SCN11A: variants seen among roughly 807,000 people sequenced by gnomAD.
SCN11A encodes sodium channel protein type 11 subunit alpha.
Under a neutral mutation model 162.2 loss-of-function variants are expected in SCN11A, and 122 were observed. The ratio of observed to expected loss-of-function variants is 0.75; its 90% CI spans 0.65 to 0.87. SCN11A has a LOEUF of 0.87. SCN11A is among the 40% of genes least tolerant of loss of function. SCN11A has a pLI of 0.00. For synonymous variants in SCN11A, 758 were observed against 751.5 expected (o/e 1.01, Z -0.14); for missense variants, 2,015 against 2,181.6 (o/e 0.92, Z 1.52).
intron 2 of SCN11A, among the ~76,000 whole-genome samples, chr3:38,967,319 A>T (rs2066789201): frequency 6.6e-6 from 1 of 152,222 alleles, no homozygotes; most frequent in Non-Finnish European, 1.5e-5. Flanking sequence ...CATAAAGGGC[A>T]TTGCAAGTTT....
At chr3:38,934,630 A>C (rs1355456405) in intron 7 of SCN11A, among the ~76,000 whole-genome samples, 1 of 152,096 alleles carries the variant, frequency 6.6e-6, no homozygotes, top group African/African-American at 2.4e-5. Context: ...ACAGACAAAG[A>C]AGGCCATTAC....
In SCN11A at chr3:38,946,844, T is replaced by C. The variant is rs1303641495; in HGVS notation, c.331A>G (p.Ile111Val). 8 of 1,613,918 alleles carry C rather than the reference T, an allele frequency of 5.0e-6. No individual in the cohort carries two copies. In the African/African-American group the frequency reaches 8.0e-5, roughly 16 times the overall value. Residue 111 changes from isoleucine to valine, a missense_variant, in exon 6 of 30, where the codon ATT becomes GTT. Transcript: ENST00000302328. The part of the protein sequence containing the change: ...YRFSAKHALF[I>V]FGPFNSIRSL... ...CTGATTGAATTGAAAGGCCCAAAAA[T>C]GAACAAGGCATGCTTGGCACTGAAG...
intron 11 of SCN11A, among the ~76,000 whole-genome samples, chr3:38,917,652 T>C (rs1356749844): frequency 6.6e-6 from 1 of 152,150 alleles, no homozygotes; most frequent in Non-Finnish European, 1.5e-5. Context: ...CAATAGATAC[T>C]GGGACCTATT....
chr3:38,859,423 C>A (rs747296190), intron 28 of SCN11A, among the ~76,000 whole-genome samples: 1 of 151,748 alleles, frequency 6.6e-6, no homozygotes, highest in African/African-American at 2.4e-5. Flanking sequence ...CCAGAGGAAA[C>A]GGATAAATTC....
chr3:38,933,322 C>T (rs988793432), intron 7 of SCN11A, among the ~76,000 whole-genome samples: 8 of 152,198 alleles, frequency 5.3e-5, no homozygotes, highest in African/African-American at 7.2e-5. Flanking sequence ...AGCACCTCTC[C>T]TCCTCCAAAG....
chr3:38,854,674 G>A (rs1270059349), intron 28 of SCN11A, among the ~76,000 whole-genome samples: 1 of 152,238 alleles, frequency 6.6e-6, no homozygotes, highest in Non-Finnish European at 1.5e-5. Context: ...TTCCCAAAGT[G>A]TGAGTGAGAG....
intron 2 of SCN11A, among the ~76,000 whole-genome samples, chr3:39,017,238 G>A (rs1426395854): frequency 6.6e-6 from 1 of 152,212 alleles, no homozygotes; most frequent in Admixed American, 6.5e-5. Flanking sequence ...GCTCTCATCA[G>A]ACATCAAGTC....
intron 15 of SCN11A, 39 bp from the exon 16 acceptor site, chr3:38,904,142 G>T (rs757356104): frequency 7.3e-7 from 1 of 1,377,560 alleles, no homozygotes; most frequent in African/African-American, 1.5e-5. Context: ...AGTTAGCTCT[G>T]AAGCAATCCA....
chr3:38,960,525 C>A (rs182973102), intron 2 of SCN11A, among the ~76,000 whole-genome samples, 102 bp from the exon 3 acceptor site: 1 of 152,316 alleles, frequency 6.6e-6, no homozygotes, highest in East Asian at 1.9e-4. Context: ...TGAGAGGGTA[C>A]TTACATTTAT....
intron 7 of SCN11A, among the ~76,000 whole-genome samples, chr3:38,936,492 TC>T (rs2066334070): frequency 6.6e-6 from 1 of 151,484 alleles, no homozygotes; most frequent in Admixed American, 6.6e-5. Flanking sequence ...GCCCAAAATC[TC>T]CTTAAGCTGA....
intron 2 of SCN11A, among the ~76,000 whole-genome samples, chr3:38,966,058 C>A (rs560683584): frequency 6.6e-6 from 1 of 152,170 alleles, no homozygotes; most frequent in African/African-American, 2.4e-5. Context: ...CTGGTAGAGG[C>A]AGCTGGCTTA....
intron 1 of SCN11A, among the ~76,000 whole-genome samples, chr3:39,040,751 G>A (rs935412336): frequency 2.0e-5 from 3 of 152,142 alleles, no homozygotes; most frequent in Non-Finnish European, 2.9e-5. Flanking sequence ...AAATACAATA[G>A]AGAGCTTCAA....
intron 2 of SCN11A, among the ~76,000 whole-genome samples, chr3:39,017,452 C>T (rs887958569): frequency 6.6e-6 from 1 of 152,212 alleles, no homozygotes; most frequent in Non-Finnish European, 1.5e-5. Flanking sequence ...TTCTCTCTGG[C>T]TGCTTTTAAG....
intron 28 of SCN11A, among the ~76,000 whole-genome samples, chr3:38,854,889 G>A (rs973800143): frequency 6.6e-6 from 1 of 152,208 alleles, no homozygotes; most frequent in Non-Finnish European, 1.5e-5. Context: ...GTATCTCACA[G>A]GGGTCTTCTG....
intron 2 of SCN11A, among the ~76,000 whole-genome samples, chr3:39,016,390 A>G (rs1575359988): frequency 1.3e-5 from 2 of 152,214 alleles, no homozygotes; most frequent in African/African-American, 4.8e-5. Flanking sequence ...AAGCATGTGC[A>G]TACAAACTAA....
At chr3:39,005,393 T>G (rs2030942144) in intron 2 of SCN11A, among the ~76,000 whole-genome samples, 1 of 152,208 alleles carries the variant, frequency 6.6e-6, no homozygotes, top group Non-Finnish European at 1.5e-5. Context: ...CCCCAGACAT[T>G]GGCAAGTGAC....
At chr3:38,911,878 T>C (rs1265378330) in intron 11 of SCN11A, among the ~76,000 whole-genome samples, 1 of 152,158 alleles carries the variant, frequency 6.6e-6, no homozygotes, top group Non-Finnish European at 1.5e-5. Context: ...TCAGAGCCCT[T>C]TCTGGTTCTC....
At chr3:38,884,834 G>A (rs1293582101) in intron 21 of SCN11A, among the ~76,000 whole-genome samples, 1 of 152,236 alleles carries the variant, frequency 6.6e-6, no homozygotes, top group Non-Finnish European at 1.5e-5. Context: ...ATAAAGCACA[G>A]AGAGGTTAAC....
chr3:38,994,979 G>A (rs1446638599), intron 2 of SCN11A, among the ~76,000 whole-genome samples: 8 of 151,876 alleles, frequency 5.3e-5, no homozygotes, highest in African/African-American at 1.5e-4. Context: ...CTACCTCCTC[G>A]CATCTACATT....
Sources: allele counts gnomAD v4.1 joint callset (sites outside exome capture counted in the v4.1 genomes callset), GRCh38; gene constraint gnomAD v4.1.1; transcripts MANE v1.5; gene names NCBI Gene and HGNC (gene_info 2026-07-23, HGNC 2026-07-21).